Variants in DPY19L4 observed in about 807,000 individuals in gnomAD.
DPY19L4 encodes the protein probable C-mannosyltransferase DPY19L4.
In DPY19L4, 97 loss-of-function variants were observed where a neutral mutation model predicts 102.8. The observed-to-expected ratio is 0.94, with a 90% CI of 0.80 to 1.12. DPY19L4 has a LOEUF of 1.12. DPY19L4 is among the 50% of genes most tolerant of loss of function. The pLI is 0.00. For missense variants in DPY19L4, 815 were observed against 850.4 expected (o/e 0.96, Z 0.52); for synonymous variants, 252 against 283.1 (o/e 0.89, Z 1.10).
chr8:94,733,498 T>C (rs1811059237), intron 2 of DPY19L4, among the ~76,000 whole-genome samples: 1 of 152,068 alleles, frequency 6.6e-6, no homozygotes, highest in Non-Finnish European at 1.5e-5. Context: ...TCTTAGAACT[T>C]CTTCCTCTTG....
intron 8 of DPY19L4, among the ~76,000 whole-genome samples, chr8:94,762,712 C>T (rs1183327358): frequency 6.6e-6 from 1 of 151,988 alleles, no homozygotes; most frequent in Non-Finnish European, 1.5e-5. Flanking sequence ...CCAGCCTGGG[C>T]AACATAGTGA....
At chr8:94,736,591 TA>T (rs1367800675) in intron 3 of DPY19L4, among the ~76,000 whole-genome samples, 1 of 152,234 alleles carries the variant, frequency 6.6e-6, no homozygotes, top group Non-Finnish European at 1.5e-5. Context: ...CATTTGATTT[TA>T]AAAGATTATA....
chr8:94,722,362 G>A (rs928018516), intron 1 of DPY19L4, among the ~76,000 whole-genome samples: 16 of 152,090 alleles, frequency 1.1e-4, no homozygotes, highest in South Asian at 1.0e-3. Flanking sequence ...AGACGAGATC[G>A]CCCCACTGCA....
At chr8:94,746,874 TCTTG>T (rs145252540) in intron 6 of DPY19L4, among the ~76,000 whole-genome samples, 5,263 of 152,296 alleles carry the variant, frequency 0.035, 112 homozygotes, top group Admixed American at 0.04. Flanking sequence ...TCGTTTCTTT[TCTTG>T]CTTTCTTTCT....
At chr8:94,758,288 A>G (rs1812253213) in intron 7 of DPY19L4, among the ~76,000 whole-genome samples, 1 of 152,136 alleles carries the variant, frequency 6.6e-6, no homozygotes, top group African/African-American at 2.4e-5. Context: ...ATCTTGCATG[A>G]CCATAATACC....
chr8:94,739,560 T>C, intron 5 of DPY19L4, 26 bp downstream of exon 5: 1 of 1,597,200 alleles, frequency 6.3e-7, no homozygotes, highest in South Asian at 1.1e-5. Context: ...TGGACCCTAA[T>C]ATTTATTTTC....
chr8:94,773,667 T>A (rs2130910435), intron 13 of DPY19L4, among the ~76,000 whole-genome samples: 1 of 151,958 alleles, frequency 6.6e-6, no homozygotes, highest in Middle Eastern at 3.4e-3. Flanking sequence ...TGACCTCAGG[T>A]GATCCGCCTG....
At chr8:94,733,090 G>A (rs915883478) in intron 2 of DPY19L4, among the ~76,000 whole-genome samples, 1 of 144,044 alleles carries the variant, frequency 6.9e-6, no homozygotes, top group Non-Finnish European at 1.5e-5. Flanking sequence ...TTACAGACCT[G>A]AGCCACCACA....
chr8:94,764,347 C>T (rs545744631), intron 8 of DPY19L4, among the ~76,000 whole-genome samples: 7 of 151,856 alleles, frequency 4.6e-5, no homozygotes, highest in African/African-American at 7.2e-5. Context: ...GAGGCTGAGG[C>T]GGGCAGATCA....
intron 6 of DPY19L4, among the ~76,000 whole-genome samples, chr8:94,746,197 G>A (rs185157223): frequency 6.6e-6 from 1 of 151,650 alleles, no homozygotes; most frequent in East Asian, 1.9e-4. Flanking sequence ...GAGTAGCTGG[G>A]ATTACAGGCA....
chr8:94,781,394 T>C (rs761501738), intron 16 of DPY19L4, among the ~76,000 whole-genome samples: 7 of 152,196 alleles, frequency 4.6e-5, no homozygotes, highest in Admixed American at 2.6e-4. Flanking sequence ...GAAACTGCCA[T>C]TGTCAAACAC....
In DPY19L4 at chr8:94,779,878, C is replaced by T. The variant is rs573036108; in HGVS notation, c.1576-481C>T. 1.6e-3 allele frequency among the ~76,000 whole-genome samples: 236 copies of T among 152,180 alleles called. No homozygotes were observed. In the Middle Eastern group the frequency reaches 0.017, roughly 11 times the overall value. ...TGATGATACATTATCTTTAATAATA[C>T]TTATGTTGTATTTTGCCAGTCTTAT... On this transcript the variant is annotated intron_variant, in intron 14 of 18. Coordinates refer to ENST00000414645, the MANE Select transcript of DPY19L4 (RefSeq NM_181787.3).
chr8:94,785,585 G>A (rs1813618883), intron 17 of DPY19L4, among the ~76,000 whole-genome samples: 1 of 152,206 alleles, frequency 6.6e-6, no homozygotes, highest in Non-Finnish European at 1.5e-5. Context: ...ACTTATCCTT[G>A]AGGCAGTTAA....
intron 1 of DPY19L4, among the ~76,000 whole-genome samples, 183 bp from the exon 2 acceptor site, chr8:94,726,145 TAAA>T (rs1810678948): frequency 6.6e-6 from 1 of 152,198 alleles, no homozygotes; most frequent in Non-Finnish European, 1.5e-5. Context: ...AAGTGGAACT[TAAA>T]TTGTCTTTTT....
intron 6 of DPY19L4, among the ~76,000 whole-genome samples, chr8:94,753,630 T>C (rs1812039600): frequency 6.6e-6 from 1 of 152,246 alleles, no homozygotes. Context: ...CCCAACACTT[T>C]GGGAGGTCGA....
chr8:94,746,602 T>G (rs1399665301), intron 6 of DPY19L4, among the ~76,000 whole-genome samples: 1 of 152,198 alleles, frequency 6.6e-6, no homozygotes, highest in African/African-American at 2.4e-5. Context: ...CAGTTATAGA[T>G]ATTTAAAACT....
chr8:94,749,361 C>T (rs1212942729), intron 6 of DPY19L4, among the ~76,000 whole-genome samples: 1 of 152,138 alleles, frequency 6.6e-6, no homozygotes, highest in Non-Finnish European at 1.5e-5. Context: ...AACATTGAGA[C>T]AAAGGTCCCT....
chr8:94,793,449 T>C lies in DPY19L4; in HGVS notation c.*3539T>C, dbSNP rs1342480772. 6.6e-6 allele frequency: 1 copy of C among 152,224 alleles called. No homozygotes were observed. Among genetic ancestry groups the C allele is most frequent in the African/African-American group, 2.4e-5 (1 of 41,474 alleles). The allele number at this position is 152,224 out of a possible 1,614,324, so 9.4% of individuals were successfully genotyped here. A position where few individuals can be genotyped will look rare whatever the true frequency, so the allele number is the denominator to read the frequency against. Reference sequence around the variant, plus strand: ...TAAATTGCCTTTTTTGTTAAACTTATTTTAAATGCTTTAGTATTTAAAGGG... The same window carrying C: ...TAAATTGCCTTTTTTGTTAAACTTACTTTAAATGCTTTAGTATTTAAAGGG... On this transcript the variant is annotated 3_prime_UTR_variant, in exon 19 of 19. Coordinates refer to ENST00000414645, the MANE Select transcript of DPY19L4 (RefSeq NM_181787.3).
chr8:94,749,541 T>C (rs182757740), intron 6 of DPY19L4, among the ~76,000 whole-genome samples: 77 of 152,280 alleles, frequency 5.1e-4, no homozygotes, highest in Non-Finnish European at 9.4e-4. Flanking sequence ...CACTCTAAAC[T>C]TAACTCGATT....
Sources: allele counts gnomAD v4.1 joint callset (sites outside exome capture counted in the v4.1 genomes callset), GRCh38; gene constraint gnomAD v4.1.1; transcripts MANE v1.5; gene names NCBI Gene and HGNC (gene_info 2026-07-23, HGNC 2026-07-21).